The following GOLGB1 variants were observed in gnomAD, a reference collection of about 807,000 sequenced individuals.
GOLGB1 encodes the protein golgin subfamily B member 1.
In GOLGB1, 174 loss-of-function variants were observed where a neutral mutation model predicts 336.9. The observed-to-expected ratio is 0.52, with a 90% CI of 0.46 to 0.59. The LOEUF (loss-of-function observed/expected upper bound fraction) is 0.59, where lower values mean the gene tolerates loss of function less well. Ranked by LOEUF, GOLGB1 falls within the 20% of genes least tolerant of loss-of-function variation. The pLI is 0.00. For missense variants in GOLGB1, 3,331 were observed against 3,645.3 expected, an observed-to-expected ratio of 0.91 and a Z score of 2.22; for synonymous variants, 1,208 against 1,289.2, an observed-to-expected ratio of 0.94 and a Z score of 1.35.
Position 121,740,491 on chromosome 3 carries a change from G to A in GOLGB1, c.-3+9141C>T, listed in dbSNP as rs559237615. On this transcript the variant is annotated intron_variant, in intron 1 of 21. Coordinates refer to ENST00000614479, the MANE Select transcript of GOLGB1 (RefSeq NM_001366282.2). ...GAGAAACTGGTGAAATGTGAACAACGTCTGGAGTTCAGTTAATATTAATGT... is the reference window on the plus strand; with the variant it reads ...GAGAAACTGGTGAAATGTGAACAACATCTGGAGTTCAGTTAATATTAATGT... Among the ~76,000 whole-genome samples, 9 of 152,242 alleles carry A rather than the reference G, an allele frequency of 5.9e-5. No homozygotes were observed. The East Asian group carries it at 1.3e-3, about 23-fold the overall frequency.
At chr3:121,700,007 G>C in intron 11 of GOLGB1, 122 bp from the exon 12 acceptor site, 1 of 603,892 alleles carries the variant, frequency 1.7e-6, no homozygotes, top group Admixed American at 3.0e-5. Flanking sequence ...AAAATAGCTT[G>C]GGAGAGGTGA....
At chr3:121,721,481 T>C (rs937524462) in intron 6 of GOLGB1, among the ~76,000 whole-genome samples, 1 of 152,096 alleles carries the variant, frequency 6.6e-6, no homozygotes, top group African/African-American at 2.4e-5. Context: ...GTAAAAAATT[T>C]AGCCAGATGC....
chr3:121,729,878 T>A lies in GOLGB1; in HGVS notation c.236A>T (p.Asp79Val), dbSNP rs1465693112. 2.5e-6 allele frequency: 4 copies of A among 1,611,746 alleles called. No homozygotes were observed. Among genetic ancestry groups the A allele is most frequent in the Non-Finnish European group, 3.4e-6 (4 of 1,178,134 alleles). ...AAACAATAGTACCTGTAGAGCTTCA[T>A]CTTTCTGCTGCAGTTGAACATCCTT... ...RQKDVQLQQK[D>V]EALQEERKAA... Residue 79 changes from aspartate (D) to valine (V), a missense_variant, in exon 3 of 22, where the codon GAT (aspartate) becomes GTT (valine). Transcript: ENST00000614479.
chr3:121,677,935 T>C (rs1206964415), intron 15 of GOLGB1, among the ~76,000 whole-genome samples: 1 of 152,258 alleles, frequency 6.6e-6, no homozygotes, highest in Admixed American at 6.5e-5. Context: ...CCTAAACTTC[T>C]GATGATAAAT....
chr3:121,664,983 G>A lies in GOLGB1; in HGVS notation c.9603C>T (p.Ser3201=), dbSNP rs756737492. 2.5e-6 allele frequency: 4 copies of A among 1,612,432 alleles called. No homozygotes were observed. The East Asian group carries it at 8.9e-5, about 36-fold the overall frequency. ...ACAGTGCCTGCTCCTGAGTGCCACAGGAGCCAATGATAGGAGTCCGGGAAG... is the reference window on the plus strand; with the variant it reads ...ACAGTGCCTGCTCCTGAGTGCCACAAGAGCCAATGATAGGAGTCCGGGAAG... ...WDSSRTPIIG[S]CGTQEQALLI... is the part of the protein sequence containing the mutation. Residue 3201 remains serine, a synonymous_variant, in exon 21 of 22, where the codon TCC becomes TCT. Coordinates refer to ENST00000614479, the MANE Select transcript of GOLGB1 (RefSeq NM_001366282.2).
chr3:121,690,608 TA>T (rs1328533630), intron 14 of GOLGB1, 61 bp downstream of exon 14: 1 of 833,454 alleles, frequency 1.2e-6, no homozygotes, highest in Non-Finnish European at 1.7e-6. Context: ...TCTATAAAAA[TA>T]AATTTAAAGA....
In GOLGB1 at chr3:121,694,786, C is replaced by T. The variant is rs1279178109; in HGVS notation, c.5737G>A (p.Val1913Ile). The stretch of plus-strand genomic sequence containing the variant: ...TCTGCTGTCTCCTTTAGTTTGGTAA[C>T]TCTGGAGAGTTCTTCTTGGATTTGC... ...NQQIQEELSR[V>I]TKLKETAEEE... Residue 1913 changes from valine (V) to isoleucine (I), a missense_variant, in exon 13 of 22, where the codon GTT (valine) becomes ATT (isoleucine). Physicochemically the swap from Val to Ile is conservative, Grantham distance 29. Transcript: ENST00000614479. The T allele has an allele frequency of 3.1e-6, 5 of 1,613,010 alleles. No individual in the cohort carries two copies. Among genetic ancestry groups the T allele is most frequent in the African/African-American group, 1.3e-5 (1 of 74,908 alleles).
At chr3:121,734,471 C>T (rs1946351218) in intron 1 of GOLGB1, among the ~76,000 whole-genome samples, 5 of 150,930 alleles carry the variant, frequency 3.3e-5, no homozygotes, top group Admixed American at 3.3e-4. Context: ...AACTTGTATC[C>T]AGAATCTAAA....
Position 121,696,005 on chromosome 3 carries a change from A to T in GOLGB1, c.4518T>A (p.Ser1506Arg). 6.2e-7 allele frequency: 1 copy of T among 1,613,938 alleles called. No individual in the cohort carries two copies. The change falls in exon 13 of 22, where the codon AGT becomes AGA. Residue 1506 changes from serine to arginine, a missense_variant. Ser to Arg is a moderately radical substitution (Grantham distance 110, BLOSUM62 -1). Transcript: ENST00000614479. ...SRKEALKENK[S>R]LQEELSLARG... ...TGGCCAAAGACAATTCCTCTTGGAG[A>T]CTTTTGTTTTCTTTTAGTGCTTCTT...
rs767028396 is a variant in GOLGB1, at chr3:121,698,701, C to T, written c.1822G>A (p.Gly608Ser). The T allele has an allele frequency of 3.1e-6, 5 of 1,613,704 alleles. No individual in the cohort carries two copies. Among genetic ancestry groups the T allele is most frequent in the Non-Finnish European group, 4.2e-6 (5 of 1,179,758 alleles). Residue 608 changes from glycine (G) to serine (S), a missense_variant, in exon 13 of 22, where the codon GGT (glycine) becomes AGT (serine). Physicochemically the swap from Gly to Ser is moderately conservative, Grantham distance 56. Coordinates refer to ENST00000614479, the MANE Select transcript of GOLGB1 (RefSeq NM_001366282.2). ...LDQKEMKQME[G>S]EGIAPIKMKV... ...ATTTTAATTGGAGCTATTCCCTCAC[C>T]CTCCATCTGTTTCATTTCTTTCTGG...
At chr3:121,734,261 A>T (rs181779293) in intron 1 of GOLGB1, among the ~76,000 whole-genome samples, 18 of 152,094 alleles carry the variant, frequency 1.2e-4, no homozygotes, top group Non-Finnish European at 2.2e-4. Flanking sequence ...ATGATGGCGC[A>T]TGCCTGTAGT....
intron 19 of GOLGB1, 38 bp downstream of exon 19, chr3:121,668,023 T>TGCCAG (rs1938886427): frequency 9.3e-7 from 1 of 1,070,218 alleles, no homozygotes; most frequent in African/African-American, 1.6e-5. Context: ...TTCTGGACTC[T>TGCCAG]GGTGTATGCT....
intron 15 of GOLGB1, among the ~76,000 whole-genome samples, chr3:121,680,618 A>G (rs1940959947): frequency 6.6e-6 from 1 of 152,224 alleles, no homozygotes; most frequent in African/African-American, 2.4e-5. Context: ...CTTGAAAATC[A>G]AATAGAAAAT....
In GOLGB1 at chr3:121,695,097, C is replaced by T; in HGVS notation, c.5426G>A (p.Ser1809Asn). Reference protein sequence around the residue: ...PGETEEQDSLSMSTRPTCSES... With the variant: ...PGETEEQDSLNMSTRPTCSES... ...TGAACATGTAGGTCTTGTGCTCATA[C>T]TCAGAGAGTCTTGCTCTTCAGTCTC... The change falls in exon 13 of 22, where the codon AGT (serine) becomes AAT (asparagine). Residue 1809 changes from serine (S) to asparagine (N), a missense_variant. Ser to Asn is a conservative substitution (Grantham distance 46). Coordinates refer to ENST00000614479, the MANE Select transcript of GOLGB1 (RefSeq NM_001366282.2). 1 of 1,613,964 alleles carries T rather than the reference C, an allele frequency of 6.2e-7. No individual in the cohort carries two copies. Among genetic ancestry groups the T allele is most frequent in the Non-Finnish European group, 8.5e-7 (1 of 1,179,992 alleles).
Position 121,727,058 on chromosome 3 carries a change from T to G in GOLGB1, c.403-17A>C. 1 of 1,446,462 alleles carries G rather than the reference T, an allele frequency of 6.9e-7. No individual in the cohort carries two copies. 89.6% of individuals were successfully genotyped at this position (1,446,462 alleles called of 1,614,324 possible). A position where few individuals can be genotyped will look rare whatever the true frequency, so the allele number is the denominator to read the frequency against. Reference sequence around the variant, plus strand: ...CTTGTCATGCTGAAAATGCAGGAGATAAAGTCATTATTTAAAAGAATTACA... The same window carrying G: ...CTTGTCATGCTGAAAATGCAGGAGAGAAAGTCATTATTTAAAAGAATTACA... On this transcript the variant is annotated splice_polypyrimidine_tract_variant and intron_variant, in intron 4 of 21. Coordinates refer to ENST00000614479, the MANE Select transcript of GOLGB1 (RefSeq NM_001366282.2).
intron 17 of GOLGB1, 132 bp downstream of exon 17, chr3:121,676,761 T>G (rs1940436606): frequency 2.6e-6 from 2 of 763,682 alleles, no homozygotes; most frequent in Non-Finnish European, 4.3e-6. Context: ...ACCCAGGTTC[T>G]GAGAAAGGTG....
At chr3:121,673,807 G>A (rs778928807) in intron 17 of GOLGB1, among the ~76,000 whole-genome samples, 3 of 151,946 alleles carry the variant, frequency 2.0e-5, no homozygotes, top group South Asian at 2.1e-4. Flanking sequence ...TGCAACCTCC[G>A]CCTCCCAAGT....
At chr3:121,686,658 AAC>A (rs1941764695) in intron 14 of GOLGB1, among the ~76,000 whole-genome samples, 1 of 83,096 alleles carries the variant, frequency 1.2e-5, no homozygotes, top group Admixed American at 9.5e-5. Context: ...ACAGAAATTA[AAC>A]ATATACACAC....
At chr3:121,667,258 A>G (rs997675868) in intron 20 of GOLGB1, among the ~76,000 whole-genome samples, 2 of 152,222 alleles carry the variant, frequency 1.3e-5, no homozygotes, top group African/African-American at 4.8e-5. Context: ...AGATATCATT[A>G]TTATTCTCTA....
Sources: allele counts gnomAD v4.1 joint callset (sites outside exome capture counted in the v4.1 genomes callset), GRCh38; gene constraint gnomAD v4.1.1; transcripts MANE v1.5; gene names NCBI Gene and HGNC (gene_info 2026-07-23, HGNC 2026-07-21).